The following PKD1L1 variants were observed in gnomAD, a reference collection of about 807,000 sequenced individuals.
The protein encoded by PKD1L1 is polycystin 1 like 1, transient receptor potential channel interacting.
A neutral mutation model predicts 323.4 loss-of-function variants in PKD1L1; 236 were observed. That is an observed-to-expected ratio of 0.73 (90% CI 0.66 to 0.81). PKD1L1 has a LOEUF of 0.81. PKD1L1 is among the 40% of genes least tolerant of loss of function. The pLI is 0.00. For missense variants in PKD1L1, 3,320 were observed against 3,508.0 expected (o/e 0.95, Z 1.35); for synonymous variants, 1,344 against 1,335.0 (o/e 1.01, Z -0.15).
intron 30 of PKD1L1, among the ~76,000 whole-genome samples, chr7:47,854,517 A>G (rs1336314529): frequency 6.6e-6 from 1 of 152,196 alleles, no homozygotes; most frequent in Non-Finnish European, 1.5e-5. Context: ...GAGAAAAATA[A>G]TTATTTTATG....
chr7:47,860,954 A>C (rs1305762235), intron 26 of PKD1L1, among the ~76,000 whole-genome samples: 1 of 152,102 alleles, frequency 6.6e-6, no homozygotes, highest in Non-Finnish European at 1.5e-5. Context: ...GGGGAAGGTG[A>C]GTGCAGCGAG....
chr7:47,863,569 G>T (rs139221738), intron 26 of PKD1L1, among the ~76,000 whole-genome samples: 2 of 152,118 alleles, frequency 1.3e-5, no homozygotes, highest in African/African-American at 4.8e-5. Context: ...AGAGAAGAGC[G>T]TGTCCCCCAA....
rs1035634059 is a variant in PKD1L1 at position 47,853,614 on chromosome 7, G to A, written c.4860-387C>T. Among the ~76,000 whole-genome samples, 4 of 151,832 alleles carry A rather than the reference G, an allele frequency of 2.6e-5. No homozygotes were observed. In the East Asian group the frequency reaches 5.8e-4, roughly 22 times the overall value. ...CAAAATCAGCTGGGCGTGGTGATGC[G>A]CACTTGTAATCCCAACTACTCGGGA... On this transcript the variant is annotated intron_variant, in intron 30 of 56. Transcript: ENST00000289672.
chr7:47,877,459 C>A, intron 22 of PKD1L1, 30 bp downstream of exon 22: 1 of 1,611,714 alleles, frequency 6.2e-7, no homozygotes, highest in South Asian at 1.1e-5. Context: ...TCGGGGGTCT[C>A]TCAGGACAGA....
At chr7:47,818,134 G>C (rs1264790432) in intron 46 of PKD1L1, 1 of 1,367,880 alleles carries the variant, frequency 7.3e-7, no homozygotes, top group Non-Finnish European at 9.8e-7. Context: ...AGGGTGGAAT[G>C]AAGCAACAGA....
At position 47,840,342 on chromosome 7, in the gene PKD1L1, C is replaced by T. The variant is rs968158425; in HGVS notation, c.5552+119G>A. ...ATCATAAAATTGTTTGTATATAAAT[C>T]GATGCTCACTATTAGAGACCAATGT... On this transcript the variant is annotated intron_variant, in intron 35 of 56. Transcript: ENST00000289672. The surrounding 1 kb of genome is among the most constrained non-coding windows in gnomAD (Gnocchi z 4.1). The T allele has an allele frequency of 1.1e-5, 7 of 643,864 alleles. No individual in the cohort carries two copies. The highest frequency in any genetic ancestry group is 5.5e-5 in the East Asian group (2 of 36,522). 39.9% of individuals were successfully genotyped at this position (643,864 alleles called of 1,614,324 possible). A position where few individuals can be genotyped will look rare whatever the true frequency, so the allele number is the denominator to read the frequency against.
rs145005848 is a variant in PKD1L1 at position 47,800,711 on chromosome 7, G to T, written c.8131C>A (p.Arg2711=). Residue 2711 remains arginine, a synonymous_variant, in exon 54 of 57, where the codon CGG becomes AGG. Coordinates refer to ENST00000289672, the MANE Select transcript of PKD1L1 (RefSeq NM_138295.5). The stretch of plus-strand genomic sequence containing the variant: ...ATCCCAAAGTAACAAGCCATGGCCC[G>T]CTGGTCAGACTTGGAAAGGCCAAGG... ...CLLGLSKSDQ[R]AMACYFGILL... 78 of 1,614,056 alleles carry T rather than the reference G, an allele frequency of 4.8e-5. No individual in the cohort carries two copies. The highest frequency in any genetic ancestry group is 6.4e-5 in the Non-Finnish European group (75 of 1,180,048).
At chr7:47,803,522 G>A (rs987228462) in intron 52 of PKD1L1, among the ~76,000 whole-genome samples, 178 bp from the exon 53 acceptor site, 2 of 152,196 alleles carry the variant, frequency 1.3e-5, no homozygotes, top group Admixed American at 6.5e-5. Flanking sequence ...GTTGGAACTA[G>A]GGGTAAATAC....
At chr7:47,868,892 C>G (rs945867954) in intron 24 of PKD1L1, among the ~76,000 whole-genome samples, 1 of 152,078 alleles carries the variant, frequency 6.6e-6, no homozygotes, top group Non-Finnish European at 1.5e-5. Flanking sequence ...AATAAAAAGA[C>G]AGAAAATTTT....
Position 47,782,013 on chromosome 7 carries a change from C to A in PKD1L1, c.8527-6847G>T, listed in dbSNP as rs187095755. On this transcript the variant is annotated intron_variant, in intron 56 of 56. Coordinates refer to ENST00000289672, the MANE Select transcript of PKD1L1 (RefSeq NM_138295.5). The stretch of plus-strand genomic sequence containing the variant: ...ATTCTGGGATCTCTATTCCTGGGAT[C>A]TATTCTGTTCCAAGGATCTTTGTCT... Among the ~76,000 whole-genome samples the A allele has an allele frequency of 7.8e-4, 119 of 152,262 alleles. 2 individuals carry two copies. The highest frequency in any genetic ancestry group is 6.8e-3 in the Admixed American group (104 of 15,288).
intron 24 of PKD1L1, among the ~76,000 whole-genome samples, chr7:47,868,704 C>T (rs1227687873): frequency 6.6e-6 from 1 of 151,902 alleles, no homozygotes; most frequent in African/African-American, 2.4e-5. Flanking sequence ...GGAGAAATCC[C>T]ATCTCTACTA....
In PKD1L1 at chr7:47,923,543, T is replaced by C. The variant is rs1038106430; in HGVS notation, c.1060+5661A>G. Among the ~76,000 whole-genome samples, 2 of 151,436 alleles carry C rather than the reference T, an allele frequency of 1.3e-5. 1 individual carries two copies. The highest frequency in any genetic ancestry group is 1.3e-4 in the Admixed American group (2 of 15,236). On this transcript the variant is annotated intron_variant, in intron 7 of 56. Coordinates refer to ENST00000289672, the MANE Select transcript of PKD1L1 (RefSeq NM_138295.5). Reference sequence around the variant, plus strand: ...CCCCAATAACCTATGGAAATAAATTTTAAAAAAAACAAAAAACACTAATTG... The same window carrying C: ...CCCCAATAACCTATGGAAATAAATTCTAAAAAAAACAAAAAACACTAATTG...
At chr7:47,784,007 T>C (rs559614448) in intron 56 of PKD1L1, among the ~76,000 whole-genome samples, 1 of 152,328 alleles carries the variant, frequency 6.6e-6, no homozygotes, top group South Asian at 2.1e-4. Context: ...AAATTATGTG[T>C]TCACAGTCAT....
rs1291455596 is a variant in PKD1L1, at chr7:47,946,637, ACAC to A, written c.44+1757_44+1759del. 6.6e-6 allele frequency among the ~76,000 whole-genome samples: 1 copy of A among 151,628 alleles called. No homozygotes were observed. The highest frequency in any genetic ancestry group is 1.5e-5 in the Non-Finnish European group (1 of 67,876). ...ACACCACACACTACACACAGACCAC[ACAC>A]CACACCACCCACACACATGTCCTAT... On this transcript the variant is annotated intron_variant, in intron 1 of 56. Transcript: ENST00000289672. This position sits in a 1 kb window ranked among gnomAD's most constrained non-coding sequence, Gnocchi z 4.1.
Position 47,890,777 on chromosome 7 carries a change from C to A in PKD1L1, c.2454-14G>T. 3 of 1,610,720 alleles carry A rather than the reference C, an allele frequency of 1.9e-6. No individual in the cohort carries two copies. The South Asian group carries it at 3.3e-5, about 18-fold the overall frequency. On this transcript the variant is annotated splice_polypyrimidine_tract_variant and intron_variant, in intron 15 of 56. Coordinates refer to ENST00000289672, the MANE Select transcript of PKD1L1 (RefSeq NM_138295.5). ...TCCCAGTGATACCTGTTGGAGAAGT[C>A]ATCGGAGTGGCTGAGGGGAGCATCA...
chr7:47,855,879 A>C (rs112559005), intron 28 of PKD1L1, among the ~76,000 whole-genome samples: 33 of 57,026 alleles, frequency 5.8e-4, no homozygotes, highest in African/African-American at 2.8e-3. Flanking sequence ...CCGTCTCAAA[A>C]AAAAAAAAAA....
rs762186613 is a variant in PKD1L1, at chr7:47,890,557, G to A, written c.2660C>T (p.Pro887Leu). The change falls in exon 16 of 57, where the codon CCT (proline) becomes CTT (leucine). Residue 887 changes from proline (P) to leucine (L), a missense_variant. Transcript: ENST00000289672. Reference protein sequence around the residue: ...SETRVFLSPYPDSAFRFVHIS... With the variant: ...SETRVFLSPYLDSAFRFVHIS... ...GGTCAGGTACCTGAACGCCGAGTCA[G>A]GGTAGGGGGACAGGAACACCCGGGT... 6.2e-7 allele frequency: 1 copy of A among 1,614,102 alleles called. No individual in the cohort carries two copies. Among genetic ancestry groups the A allele is most frequent in the Non-Finnish European group, 8.5e-7 (1 of 1,180,030 alleles).
chr7:47,830,652 G>A (rs997830824), intron 42 of PKD1L1, among the ~76,000 whole-genome samples: 3 of 152,184 alleles, frequency 2.0e-5, no homozygotes, highest in African/African-American at 7.2e-5. Context: ...TACAGTTGAG[G>A]AGAGGGGAGA....
In PKD1L1 at chr7:47,803,251, A is replaced by G. The variant is rs1170127480; in HGVS notation, c.7921T>C (p.Ser2641Pro). The G allele has an allele frequency of 6.2e-7, 1 of 1,614,048 alleles. No homozygotes were observed. Among genetic ancestry groups the G allele is most frequent in the Non-Finnish European group, 8.5e-7 (1 of 1,180,038 alleles). The change falls in exon 53 of 57, where the codon TCC (serine) becomes CCC (proline). Residue 2641 changes from serine to proline, a missense_variant. Coordinates refer to ENST00000289672, the MANE Select transcript of PKD1L1 (RefSeq NM_138295.5). ...CTGGGGAGTGAGTGGCGCATCATGG[A>G]GGAGCAGGATGCCATTGTGTTTTGA... ...GIQNTMASCS[S>P]MMRHSLPSIF...
Sources: allele counts gnomAD v4.1 joint callset (sites outside exome capture counted in the v4.1 genomes callset), GRCh38; gene constraint gnomAD v4.1.1; non-coding constraint Gnocchi (gnomAD v3.1); transcripts MANE v1.5; gene names NCBI Gene and HGNC (gene_info 2026-07-23, HGNC 2026-07-21).